DPY30: variants seen among roughly 807,000 people sequenced by gnomAD.
The protein encoded by DPY30 is dpy-30 histone methyltransferase complex regulatory subunit, also known as protein dpy-30 homolog.
Under a neutral mutation model 16.2 loss-of-function variants are expected in DPY30, and 6 were observed. The observed-to-expected ratio is 0.37, with a 90% confidence interval of 0.20 to 0.73. DPY30 has a LOEUF of 0.73. Among genes scored for constraint, DPY30 ranks in the 30% least tolerant of loss-of-function variants. DPY30 has a pLI of 0.51. For synonymous variants in DPY30, 39 were observed against 38.8 expected, an observed-to-expected ratio of 1.00 and a Z score of -0.02; for missense variants, 73 against 113.1, an observed-to-expected ratio of 0.65 and a Z score of 1.61.
At chr2:32,015,321 C>A (rs141878464) in intron 5 of DPY30, among the ~76,000 whole-genome samples, 9 of 152,238 alleles carry the variant, frequency 5.9e-5, no homozygotes, top group Non-Finnish European at 1.3e-4. Context: ...AACTAGTGTT[C>A]TAACCTAGTG....
downstream of DPY30, among the ~76,000 whole-genome samples, chr2:32,022,521 T>A (rs1434028206): frequency 2.0e-5 from 3 of 151,574 alleles, no homozygotes; most frequent in African/African-American, 2.4e-5. Context: ...TTTTTTTTTT[T>A]AATTTTTTTT....
chr2:32,024,300 G>T, intron 4 of DPY30, 44 bp from the exon 5 acceptor site: 1 of 1,389,642 alleles, frequency 7.2e-7, no homozygotes, highest in Non-Finnish European at 1.0e-6. Context: ...ATATTTCCTA[G>T]GTGTGTTAAT....
At chr2:32,023,810 T>C, downstream of DPY30, 2 of 1,308,038 alleles carry the variant, frequency 1.5e-6, no homozygotes, top group Non-Finnish European at 2.0e-6. Flanking sequence ...TGTAAAACTC[T>C]GCAGCATTTG....
At chr2:32,026,211 C>G (rs998543754) in intron 4 of DPY30, among the ~76,000 whole-genome samples, 1 of 152,088 alleles carries the variant, frequency 6.6e-6, no homozygotes, top group African/African-American at 2.4e-5. Flanking sequence ...GGATCACTTC[C>G]AAGCCTGGGC....
At chr2:32,016,486 C>T (rs1239809000) in intron 5 of DPY30, among the ~76,000 whole-genome samples, 1 of 152,156 alleles carries the variant, frequency 6.6e-6, no homozygotes, top group African/African-American at 2.4e-5. Context: ...CTTCCTAAAA[C>T]GATTCTATCG....
downstream of DPY30, among the ~76,000 whole-genome samples, chr2:32,021,304 G>C (rs1232907387): frequency 1.3e-5 from 2 of 151,900 alleles, no homozygotes; most frequent in Admixed American, 6.6e-5. Flanking sequence ...TTACCACTAG[G>C]TCGAGTATTG....
downstream of DPY30, chr2:32,021,044 A>C (rs1235597469): frequency 2.0e-5 from 3 of 151,536 alleles, no homozygotes; most frequent in Non-Finnish European, 4.4e-5. Context: ...CGAGGCGGAC[A>C]GATTGCCTGA....
Position 32,029,716 on chromosome 2 carries a change from C to A in DPY30, c.105G>T (p.Lys35Asn). Reference sequence around the variant, plus strand: ...GCTTTGATGACTTTTCTGCATTAATCTTCTCATTTTCTACTATTCTCTAGT... The same window carrying A: ...GCTTTGATGACTTTTCTGCATTAATATTCTCATTTTCTACTATTCTCTAGT... ...DNVERIVENE[K>N]INAEKSSKQK... The change falls in exon 4 of 5, where the codon AAG (lysine) becomes AAT (asparagine). Residue 35 changes from lysine to asparagine, a missense_variant. Physicochemically the swap from Lys to Asn is moderately conservative, Grantham distance 94. Around this residue, in one of 3 missense-constraint regions of DPY30, gnomAD observed 52 missense variants for 71.5 expected, o/e 0.73. Coordinates refer to ENST00000342166, the MANE Select transcript of DPY30 (RefSeq NM_001321209.2). 5 of 1,614,064 alleles carry A rather than the reference C, an allele frequency of 3.1e-6. No homozygotes were observed. Among genetic ancestry groups the A allele is most frequent in the Non-Finnish European group, 4.2e-6 (5 of 1,180,002 alleles).
chr2:32,027,270 C>CAAAA (rs1182400819), intron 4 of DPY30, among the ~76,000 whole-genome samples: 1 of 70,196 alleles, frequency 1.4e-5, no homozygotes, highest in Non-Finnish European at 2.9e-5. Flanking sequence ...GACTCTGTCT[C>CAAAA]AAAAAAAAAA....
At chr2:32,032,763 C>T (rs1460674975) in intron 3 of DPY30, among the ~76,000 whole-genome samples, 1 of 152,134 alleles carries the variant, frequency 6.6e-6, no homozygotes, top group Non-Finnish European at 1.5e-5. Flanking sequence ...TTTAGGAGGC[C>T]GAGGCAGCTG....
intron 5 of DPY30, among the ~76,000 whole-genome samples, chr2:32,014,249 G>T (rs1675021707): frequency 1.3e-5 from 2 of 152,116 alleles, no homozygotes; most frequent in Non-Finnish European, 2.9e-5. Flanking sequence ...TTGGAAGGCT[G>T]AGGCAGGAGG....
intron 1 of DPY30, 75 bp from the exon 2 acceptor site, chr2:32,039,567 C>T: frequency 6.9e-7 from 1 of 1,442,398 alleles, no homozygotes; most frequent in Non-Finnish European, 9.5e-7. Flanking sequence ...TGCAGCCCAG[C>T]CCCCGACCCC....
chr2:32,027,045 G>A (rs1675358660), intron 4 of DPY30, among the ~76,000 whole-genome samples: 1 of 151,632 alleles, frequency 6.6e-6, no homozygotes, highest in South Asian at 2.1e-4. Flanking sequence ...GGAGGCCAAT[G>A]AGGGCAGACC....
At chr2:32,014,608 C>T (rs1247902826) in intron 5 of DPY30, among the ~76,000 whole-genome samples, 26 of 152,028 alleles carry the variant, frequency 1.7e-4, no homozygotes, top group Non-Finnish European at 3.4e-4. Context: ...CTCAGCCTCC[C>T]GCGTAGCTGG....
chr2:32,034,039 G>C (rs1373404524), intron 3 of DPY30, among the ~76,000 whole-genome samples: 1 of 152,014 alleles, frequency 6.6e-6, no homozygotes, highest in Non-Finnish European at 1.5e-5. Context: ...GAAGACAGTT[G>C]AAAATTCTGG....
In DPY30 at chr2:32,024,149, AG is replaced by A. The variant is rs767144996; in HGVS notation, c.*34del. Reference sequence around the variant, plus strand: ...CTGCCTCTTAATCATGTAAATCTACAGTAGCAACTAAATTTTTCTGTTCTTC... The same window carrying A: ...CTGCCTCTTAATCATGTAAATCTACATAGCAACTAAATTTTTCTGTTCTTC... On this transcript the variant is annotated 3_prime_UTR_variant, in exon 5 of 5. Transcript: ENST00000342166. 6.2e-7 allele frequency: 1 copy of A among 1,600,490 alleles called. No individual in the cohort carries two copies. The highest frequency in any genetic ancestry group is 1.1e-5 in the South Asian group (1 of 89,058).
At chr2:32,018,348 T>C (rs1008052205) in intron 5 of DPY30, among the ~76,000 whole-genome samples, 5 of 152,080 alleles carry the variant, frequency 3.3e-5, no homozygotes, top group African/African-American at 1.2e-4. Flanking sequence ...AGAAGGACAA[T>C]ACAGAATTCC....
chr2:32,037,471 A>G (rs1675789042), intron 3 of DPY30, among the ~76,000 whole-genome samples: 1 of 151,924 alleles, frequency 6.6e-6, no homozygotes, highest in South Asian at 2.1e-4. Flanking sequence ...ACACCCAGCT[A>G]ATTTTTCTAT....
At chr2:32,037,035 T>C (rs975194630) in intron 3 of DPY30, among the ~76,000 whole-genome samples, 1 of 152,228 alleles carries the variant, frequency 6.6e-6, no homozygotes. Context: ...GCCAGAAGAC[T>C]GTGAAGCAAA....
Sources: gnomAD v4.1 joint callset for allele counts (sites outside exome capture counted in the v4.1 genomes callset) on GRCh38, gnomAD v4.1.1 for gene constraint, gnomAD v4.1.1 regional missense constraint, MANE v1.5 for transcripts, NCBI Gene and HGNC (gene_info 2026-07-23, HGNC 2026-07-21) for gene names.